HPSE2: variants seen among roughly 807,000 people sequenced by gnomAD.
HPSE2 encodes the protein heparanase 2 (inactive).
Under a neutral mutation model 60.5 loss-of-function variants are expected in HPSE2, and 38 were observed. The observed-to-expected ratio is 0.63, with a 90% confidence interval of 0.48 to 0.82. The LOEUF is 0.82. Ranked by LOEUF, HPSE2 falls within the 40% of genes least tolerant of loss-of-function variation. HPSE2 has a pLI of 0.00. For missense variants in HPSE2, 713 were observed against 740.4 expected, an observed-to-expected ratio of 0.96 and a Z score of 0.43; for synonymous variants, 295 against 293.2, an observed-to-expected ratio of 1.01 and a Z score of -0.06.
intron 3 of HPSE2, among the ~76,000 whole-genome samples, chr10:98,835,516 G>A (rs1484072594): frequency 6.6e-6 from 1 of 151,998 alleles, no homozygotes; most frequent in Non-Finnish European, 1.5e-5. Context: ...GCACAGAGGG[G>A]ACTCAAGGTG....
rs933411745 is a variant in HPSE2, at chr10:98,764,373, A to G, written c.611-20317T>C. ...TGAGGGGTATAAATAAATTTGTTAA[A>G]AGCAAATAAAAGACAAAAAGAAAGC... On this transcript the variant is annotated intron_variant, in intron 3 of 11. Transcript: ENST00000370552. Among the ~76,000 whole-genome samples the G allele has an allele frequency of 5.3e-5, 8 of 152,304 alleles. 2 individuals are homozygous for G. The highest frequency in any genetic ancestry group is 5.2e-4 in the Admixed American group (8 of 15,298).
intron 3 of HPSE2, among the ~76,000 whole-genome samples, chr10:98,932,196 T>C (rs1442084836): frequency 1.4e-5 from 2 of 143,964 alleles, no homozygotes; most frequent in Non-Finnish European, 3.0e-5. Context: ...TGAATTTTAC[T>C]GAAGGCCTTT....
At position 99,148,590 on chromosome 10, in the gene HPSE2, A is replaced by C. The variant is rs375121224; in HGVS notation, c.449-4191T>G. On this transcript the variant is annotated intron_variant, in intron 2 of 11. Transcript: ENST00000370552. ...CGCATCACCTGAGGTCTGGAGTTTG[A>C]GACCAGCCTGCCCAACCTGGTGAAG... 3.4e-3 allele frequency among the ~76,000 whole-genome samples: 517 copies of C among 152,260 alleles called. 4 individuals are homozygous for C. Among genetic ancestry groups the C allele is most frequent in the African/African-American group, 0.012 (495 of 41,548 alleles).
At chr10:98,715,838 T>C (rs771313323) in intron 5 of HPSE2, among the ~76,000 whole-genome samples, 2 of 151,996 alleles carry the variant, frequency 1.3e-5, no homozygotes, top group African/African-American at 2.4e-5. Flanking sequence ...AAGGTGGTGA[T>C]TACTAGAAGG....
chr10:99,286,049 A>G, the HPSE2 span, among the ~76,000 whole-genome samples: 1 of 152,238 alleles, frequency 6.6e-6, no homozygotes, highest in Admixed American at 6.5e-5. Flanking sequence ...GGTTGGCTAT[A>G]ACAAAAGTGA....
intron 3 of HPSE2, among the ~76,000 whole-genome samples, chr10:98,923,952 T>C (rs1430333642): frequency 1.3e-5 from 2 of 152,186 alleles, no homozygotes; most frequent in East Asian, 1.9e-4. Context: ...CTGAATGATG[T>C]TGGCACTTGT....
chr10:98,690,919 C>G (rs1948062222), intron 6 of HPSE2, among the ~76,000 whole-genome samples: 1 of 152,170 alleles, frequency 6.6e-6, no homozygotes, highest in African/African-American at 2.4e-5. Context: ...TTATTCATGA[C>G]TTCAGACTTA....
intron 3 of HPSE2, among the ~76,000 whole-genome samples, chr10:98,905,046 C>T (rs1953771399): frequency 6.6e-6 from 1 of 152,030 alleles, no homozygotes; most frequent in African/African-American, 2.4e-5. Context: ...CATACATGGG[C>T]ATAATAAGAG....
chr10:99,158,882 T>A (rs1846702398), intron 2 of HPSE2, among the ~76,000 whole-genome samples: 1 of 151,978 alleles, frequency 6.6e-6, no homozygotes, highest in African/African-American at 2.4e-5. Flanking sequence ...ATAGAAAATA[T>A]CAAAGTGAAA....
chr10:98,681,522 T>G (rs1947787266), intron 6 of HPSE2, among the ~76,000 whole-genome samples: 1 of 152,232 alleles, frequency 6.6e-6, no homozygotes, highest in African/African-American at 2.4e-5. Flanking sequence ...GAAAAGTTCA[T>G]GCACATGGTT....
In HPSE2 at chr10:98,676,225, A is replaced by C. The variant is rs188560760; in HGVS notation, c.1004+17675T>G. Reference sequence around the variant, plus strand: ...GTTATTAACTATGTGCAAGGTCCTAAACCAGTTTCTCAAACTTTCCCTCCT... The same window carrying C: ...GTTATTAACTATGTGCAAGGTCCTACACCAGTTTCTCAAACTTTCCCTCCT... On this transcript the variant is annotated intron_variant, in intron 6 of 11. Coordinates refer to ENST00000370552, the MANE Select transcript of HPSE2 (RefSeq NM_021828.5). Among the ~76,000 whole-genome samples, 4 of 152,248 alleles carry C rather than the reference A, an allele frequency of 2.6e-5. No individual in the cohort carries two copies. In the East Asian group the frequency reaches 7.7e-4, roughly 29 times the overall value.
chr10:98,652,007 GT>G (rs1946929718), intron 6 of HPSE2, among the ~76,000 whole-genome samples: 1 of 152,090 alleles, frequency 6.6e-6, no homozygotes, highest in Non-Finnish European at 1.5e-5. Context: ...CTGACCTCAG[GT>G]GATCCACCTG....
chr10:99,093,767 C>T (rs917250642), intron 3 of HPSE2, among the ~76,000 whole-genome samples: 2 of 152,158 alleles, frequency 1.3e-5, no homozygotes, highest in East Asian at 3.9e-4. Context: ...AAGTTTCCAA[C>T]ACATGAATTT....
intron 2 of HPSE2, among the ~76,000 whole-genome samples, chr10:99,205,581 C>CA (rs923493308): frequency 1.3e-4 from 19 of 150,020 alleles, no homozygotes; most frequent in Middle Eastern, 3.4e-3. Context: ...GACTCTGTCT[C>CA]AAAAAAAAAG....
At chr10:98,551,524 G>C (rs553039865) in intron 9 of HPSE2, among the ~76,000 whole-genome samples, 2 of 152,082 alleles carry the variant, frequency 1.3e-5, no homozygotes, top group South Asian at 2.1e-4. Flanking sequence ...AGTATGATCC[G>C]AACTAAGCCA....
At chr10:98,820,123 T>C (rs1224547583) in intron 3 of HPSE2, among the ~76,000 whole-genome samples, 4 of 152,172 alleles carry the variant, frequency 2.6e-5, no homozygotes, top group African/African-American at 4.8e-5. Flanking sequence ...TATACCTAGA[T>C]AGTAATGTCT....
chr10:98,837,746 C>A (rs1393008440), intron 3 of HPSE2, among the ~76,000 whole-genome samples: 3 of 152,012 alleles, frequency 2.0e-5, no homozygotes, highest in East Asian at 3.9e-4. Flanking sequence ...TGGTGGCGGG[C>A]GCCTGCAGTC....
intron 3 of HPSE2, among the ~76,000 whole-genome samples, chr10:99,087,462 C>T (rs975425658): frequency 2.0e-5 from 3 of 152,184 alleles, no homozygotes; most frequent in African/African-American, 7.2e-5. Context: ...CATCTAAGGC[C>T]AGACTATGGT....
chr10:98,562,797 G>A (rs898193477), intron 9 of HPSE2, among the ~76,000 whole-genome samples: 1 of 150,924 alleles, frequency 6.6e-6, no homozygotes, highest in African/African-American at 2.4e-5. Context: ...ATAAACAAAT[G>A]ATTCTATGTA....
Sources: gnomAD v4.1 joint callset for allele counts (sites outside exome capture counted in the v4.1 genomes callset) on GRCh38, gnomAD v4.1.1 for gene constraint, MANE v1.5 for transcripts, NCBI Gene and HGNC (gene_info 2026-07-23, HGNC 2026-07-21) for gene names.